CHD1: variants seen among roughly 807,000 people sequenced by gnomAD.
The protein encoded by CHD1 is ATP-dependent chromatin remodeler CHD1.
A neutral mutation model predicts 224.2 loss-of-function variants in CHD1; 36 were observed. The observed-to-expected ratio is 0.16, with a 90% CI of 0.12 to 0.21. CHD1 has a LOEUF of 0.21. CHD1 is among the 10% of genes least tolerant of loss of function. The probability of loss-of-function intolerance (pLI) is 1.00; values close to 1 mark genes in which losing one functional copy is unlikely to be tolerated. For synonymous variants in CHD1, 668 were observed against 658.3 expected (o/e 1.01, Z -0.23); for missense variants, 1,378 against 1,994.8 (o/e 0.69, Z 5.89).
At chr5:98,880,855 A>C (rs994625784) in intron 22 of CHD1, among the ~76,000 whole-genome samples, 3 of 152,232 alleles carry the variant, frequency 2.0e-5, no homozygotes, top group African/African-American at 7.2e-5. Context: ...GCTAATTAGG[A>C]AACAACAGCT....
intron 2 of CHD1, among the ~76,000 whole-genome samples, chr5:98,924,288 A>G (rs899901997): frequency 2.0e-5 from 3 of 152,184 alleles, no homozygotes; most frequent in Non-Finnish European, 2.9e-5. Flanking sequence ...GTGGGTGGAC[A>G]ATATGACTCT....
chr5:98,878,180 G>A (rs1323221810), intron 23 of CHD1, among the ~76,000 whole-genome samples: 5 of 152,116 alleles, frequency 3.3e-5, no homozygotes, highest in African/African-American at 7.2e-5. Context: ...ACTTTGCCAC[G>A]AACTTCCACC....
At chr5:98,885,041 T>G (rs1750550107) in intron 18 of CHD1, among the ~76,000 whole-genome samples, 1 of 152,166 alleles carries the variant, frequency 6.6e-6, no homozygotes, top group Admixed American at 6.5e-5. Flanking sequence ...CTGGCTAATT[T>G]ATTTTGAAGC....
At chr5:98,859,428 G>A (rs921190557) in intron 33 of CHD1, among the ~76,000 whole-genome samples, 4 of 151,986 alleles carry the variant, frequency 2.6e-5, no homozygotes, top group Non-Finnish European at 5.9e-5. Context: ...TCGGGGATTC[G>A]ATTTGGAAGC....
At chr5:98,887,670 G>A (rs936608745) in intron 17 of CHD1, among the ~76,000 whole-genome samples, 2 of 152,130 alleles carry the variant, frequency 1.3e-5, no homozygotes, top group Non-Finnish European at 2.9e-5. Flanking sequence ...CAAACCCTGT[G>A]TCAGATAACT....
At chr5:98,909,824 A>T (rs989373442) in intron 2 of CHD1, among the ~76,000 whole-genome samples, 2 of 152,172 alleles carry the variant, frequency 1.3e-5, no homozygotes, top group South Asian at 2.1e-4. Flanking sequence ...ATCTACTGTC[A>T]GCATCCTTGT....
intron 26 of CHD1, 146 bp from the exon 27 acceptor site, chr5:98,872,701 C>A: frequency 1.4e-6 from 1 of 704,662 alleles, no homozygotes; most frequent in Non-Finnish European, 2.4e-6. Context: ...AAACCTTGAA[C>A]TTCATTACAT....
chr5:98,874,950 T>A lies in CHD1; in HGVS notation c.3440+122A>T, dbSNP rs1749642160. On this transcript the variant is annotated intron_variant, in intron 25 of 35. Transcript: ENST00000614616. ...TCTGAAATTTCCCTTGTACATTAAT[T>A]TTGTAAATGCCGATTAAAAGCAAAT... 3 of 614,140 alleles carry A rather than the reference T, an allele frequency of 4.9e-6. No homozygotes were observed. The South Asian group carries it at 6.1e-5, about 13-fold the overall frequency. 38.0% of individuals were successfully genotyped at this position (614,140 alleles called of 1,614,324 possible).
chr5:98,903,857 T>G lies in CHD1; in HGVS notation c.307A>C (p.Lys103Gln). The G allele has an allele frequency of 1.2e-6, 2 of 1,613,310 alleles. No homozygotes were observed. The highest frequency in any genetic ancestry group is 1.7e-6 in the Non-Finnish European group (2 of 1,179,560). Residue 103 changes from lysine (K) to glutamine (Q), a missense_variant, in exon 4 of 36, where the codon AAG becomes CAG. Transcript: ENST00000614616. ...TGCTGCTGCTGCTGTTGCTGCTTCT[T>G]GAGGATTGCAGATCTCTGAACGGCC... is the stretch of plus-strand genomic sequence containing the variant. ...ILAVQRSAIL[K>Q]KQQQQQQQQQ...
chr5:98,858,913 TTAA>T, intron 34 of CHD1, 48 bp downstream of exon 34: 1 of 1,331,766 alleles, frequency 7.5e-7, no homozygotes, highest in Non-Finnish European at 1.0e-6. Context: ...AAACAAAAAT[TTAA>T]AAAAAATTTT....
At chr5:98,888,784 T>G (rs1331377233) in intron 16 of CHD1, among the ~76,000 whole-genome samples, 3 of 152,230 alleles carry the variant, frequency 2.0e-5, no homozygotes, top group Non-Finnish European at 1.5e-5. Context: ...ACAATTACTA[T>G]TAACGATTTT....
rs1022110632 is a variant in CHD1 at position 98,928,667 on chromosome 5, GGGGGAAGGGGACAGACGCGGAGGGGAA to G, written c.-304_-278del. Reference sequence around the variant, plus strand: ...GGTAAGCAAGAGTCCGTGCGGGGGAGGGGGAAGGGGACAGACGCGGAGGGGAAGGGGAAGCCCCGGTCCGCAGCACCA... The same window carrying G: ...GGTAAGCAAGAGTCCGTGCGGGGGAGGGGGAAGCCCCGGTCCGCAGCACCA... On this transcript the variant is annotated 5_prime_UTR_variant, in exon 1 of 36. Transcript: ENST00000614616. 1.3e-5 allele frequency: 2 copies of G among 152,898 alleles called. No homozygotes were observed. The highest frequency in any genetic ancestry group is 2.4e-5 in the African/African-American group (1 of 41,442). The allele number at this position is 152,898 out of a possible 1,614,324, so 9.5% of individuals were successfully genotyped here. A position where few individuals can be genotyped will look rare whatever the true frequency, so the allele number is the denominator to read the frequency against.
intron 31 of CHD1, among the ~76,000 whole-genome samples, chr5:98,867,570 G>GTGTGTA (rs1265820767): frequency 6.6e-6 from 1 of 152,140 alleles, no homozygotes; most frequent in African/African-American, 2.4e-5. Flanking sequence ...GTGTGTGTGT[G>GTGTGTA]TGTGTACATA....
chr5:98,924,927 G>C (rs1250697539), intron 2 of CHD1, among the ~76,000 whole-genome samples: 2 of 151,580 alleles, frequency 1.3e-5, no homozygotes, highest in Non-Finnish European at 2.9e-5. Context: ...GCAGTGAGCC[G>C]GGATCACACC....
In CHD1 at chr5:98,881,995, A is replaced by G; in HGVS notation, c.2847T>C (p.His949=). 1.9e-6 allele frequency: 3 copies of G among 1,613,788 alleles called. No homozygotes were observed. Among genetic ancestry groups the G allele is most frequent in the Non-Finnish European group, 2.5e-6 (3 of 1,179,868 alleles). ...ACCACCTTGATGGGGCAGAACCTGT[A>G]TGTAGTACTGTCTTCCCAGTTGTGT... The part of the protein sequence containing the change: ...RMDTTGKTVL[H]TGSAPSSSTP... Residue 949 remains histidine, a synonymous_variant, in exon 20 of 36, where the codon CAT becomes CAC. Transcript: ENST00000614616.
chr5:98,928,356 T>C (rs1020371548), intron 1 of CHD1, among the ~76,000 whole-genome samples, 183 bp downstream of exon 1: 1 of 151,988 alleles, frequency 6.6e-6, no homozygotes, highest in Non-Finnish European at 1.5e-5. Context: ...CCCCGGCCTG[T>C]ACTCGCCGCT....
chr5:98,879,770 A>C (rs779335793), intron 22 of CHD1, 42 bp from the exon 23 acceptor site: 2 of 1,420,794 alleles, frequency 1.4e-6, no homozygotes, highest in South Asian at 2.6e-5. Context: ...TTACAGAAAA[A>C]TTGATCCCTA....
chr5:98,904,162 T>G (rs2112543747), intron 3 of CHD1, among the ~76,000 whole-genome samples: 1 of 152,290 alleles, frequency 6.6e-6, no homozygotes, highest in South Asian at 2.1e-4. Context: ...CTAAGAGTAT[T>G]ATTTGTATTA....
At chr5:98,905,330 T>G (rs1015018619) in intron 2 of CHD1, among the ~76,000 whole-genome samples, 3 of 152,232 alleles carry the variant, frequency 2.0e-5, no homozygotes, top group African/African-American at 7.2e-5. Context: ...TATGACATAT[T>G]TTATAGATTT....
Sources: allele counts gnomAD v4.1 joint callset (sites outside exome capture counted in the v4.1 genomes callset), GRCh38; gene constraint gnomAD v4.1.1; transcripts MANE v1.5; gene names NCBI Gene and HGNC (gene_info 2026-07-23, HGNC 2026-07-21).